Variants in GTF2F2 observed in about 807,000 individuals in gnomAD.
GTF2F2 encodes the protein ATP-dependent helicase GTF2F2.
In GTF2F2, 23 loss-of-function variants were observed where a neutral mutation model predicts 42.2. The ratio of observed to expected loss-of-function variants is 0.55; its 90% CI spans 0.39 to 0.77. The LOEUF (loss-of-function observed/expected upper bound fraction) is 0.77. GTF2F2 is among the 30% of genes least tolerant of loss of function. The probability of loss-of-function intolerance (pLI) is 0.00; values close to 1 mark genes in which losing one functional copy is unlikely to be tolerated. For missense variants in GTF2F2, 261 were observed against 287.2 expected (o/e 0.91, Z 0.66); for synonymous variants, 105 against 100.8 (o/e 1.04, Z -0.25).
In GTF2F2 at chr13:45,127,630, CT is replaced by C. The variant is rs573535645; in HGVS notation, c.66+6910del. On this transcript the variant is annotated intron_variant, in intron 1 of 7. Coordinates refer to ENST00000340473, the MANE Select transcript of GTF2F2 (RefSeq NM_004128.3). ...GGGATTATGGCATGAGCCACCACCC[CT>C]GGCCTTGTTTTTTTTTGGAGACGGA... Among the ~76,000 whole-genome samples, 58 of 152,072 alleles carry C rather than the reference CT, an allele frequency of 3.8e-4. 1 individual carries two copies. The highest frequency in any genetic ancestry group is 3.4e-3 in the Middle Eastern group (1 of 294).
chr13:45,216,690 T>G (rs1873902869), intron 5 of GTF2F2, among the ~76,000 whole-genome samples: 1 of 151,844 alleles, frequency 6.6e-6, no homozygotes, highest in African/African-American at 2.4e-5. Flanking sequence ...GCTATTTTTT[T>G]GCATTTTTAG....
intron 4 of GTF2F2, among the ~76,000 whole-genome samples, chr13:45,153,954 G>T (rs1870625177): frequency 7.3e-6 from 1 of 136,392 alleles, no homozygotes; most frequent in African/African-American, 3.0e-5. Context: ...TCCAGCCTGG[G>T]CAACAGAGGG....
intron 4 of GTF2F2, among the ~76,000 whole-genome samples, chr13:45,156,891 T>G (rs1434964488): frequency 6.6e-6 from 1 of 152,186 alleles, no homozygotes; most frequent in East Asian, 1.9e-4. Context: ...TGTGCCTGGT[T>G]TTTTCAGGCC....
intron 4 of GTF2F2, among the ~76,000 whole-genome samples, chr13:45,174,532 G>A (rs1871766711): frequency 6.7e-6 from 1 of 150,196 alleles, no homozygotes; most frequent in Non-Finnish European, 1.5e-5. Context: ...TTATTCCTCA[G>A]TAATATATTT....
At position 45,194,855 on chromosome 13, in the gene GTF2F2, C is replaced by G. The variant is rs190019058; in HGVS notation, c.305-12569C>G. On this transcript the variant is annotated intron_variant, in intron 4 of 7. Transcript: ENST00000340473. Reference sequence around the variant, plus strand: ...CTATCCTTTGAAGTAATAAGAGTTACTCAGAATAAATTGAATTTCCTCTTG... The same window carrying G: ...CTATCCTTTGAAGTAATAAGAGTTAGTCAGAATAAATTGAATTTCCTCTTG... 67 of 385,784 alleles carry G rather than the reference C, an allele frequency of 1.7e-4. No individual in the cohort carries two copies. In the Middle Eastern group the frequency reaches 2.8e-3, roughly 16 times the overall value. 23.9% of individuals were successfully genotyped at this position (385,784 alleles called of 1,614,324 possible). A position where few individuals can be genotyped will look rare whatever the true frequency, so the allele number is the denominator to read the frequency against.
chr13:45,245,403 A>C (rs147155749), intron 5 of GTF2F2, among the ~76,000 whole-genome samples: 24 of 152,026 alleles, frequency 1.6e-4, no homozygotes, highest in African/African-American at 5.8e-4. Context: ...CATCACCCAA[A>C]TAGTGTACAC....
At chr13:45,259,650 T>A (rs1876249691) in intron 6 of GTF2F2, among the ~76,000 whole-genome samples, 1 of 65,306 alleles carries the variant, frequency 1.5e-5, no homozygotes, top group African/African-American at 1.4e-4. Context: ...CCTAGAACTT[T>A]TTTTTTTTTT....
At chr13:45,257,452 T>TAAA (rs1566153344) in intron 6 of GTF2F2, among the ~76,000 whole-genome samples, 1 of 152,212 alleles carries the variant, frequency 6.6e-6, no homozygotes, top group Non-Finnish European at 1.5e-5. Context: ...AAGGATTCTG[T>TAAA]GTTTAAAAAA....
intron 5 of GTF2F2, among the ~76,000 whole-genome samples, chr13:45,227,217 G>T (rs963690546): frequency 4.6e-5 from 7 of 152,050 alleles, no homozygotes; most frequent in African/African-American, 1.7e-4. Context: ...GCCTGCAAAA[G>T]TATGTTGACA....
chr13:45,271,238 C>T (rs1330288941), intron 7 of GTF2F2, among the ~76,000 whole-genome samples: 1 of 150,232 alleles, frequency 6.7e-6, no homozygotes, highest in Non-Finnish European at 1.5e-5. Context: ...TTGCAGTGAG[C>T]GGAGATTGCG....
intron 2 of GTF2F2, among the ~76,000 whole-genome samples, chr13:45,138,011 A>C (rs1869721445): frequency 6.6e-6 from 1 of 152,152 alleles, no homozygotes; most frequent in Non-Finnish European, 1.5e-5. Flanking sequence ...TAAATCCAAG[A>C]GTCAACTAGC....
chr13:45,275,783 A>G (rs1877008387), intron 7 of GTF2F2, among the ~76,000 whole-genome samples: 1 of 152,120 alleles, frequency 6.6e-6, no homozygotes, highest in African/African-American at 2.4e-5. Flanking sequence ...GTGTCTTTAT[A>G]ACAGCATGAT....
chr13:45,126,245 C>CTTTTTTTTT (rs11383296), intron 1 of GTF2F2, among the ~76,000 whole-genome samples: 1 of 100,642 alleles, frequency 9.9e-6, no homozygotes, highest in African/African-American at 4.4e-5. Flanking sequence ...GGAAGAACGA[C>CTTTTTTTTT]TTTTTTTTTT....
intron 4 of GTF2F2, among the ~76,000 whole-genome samples, chr13:45,199,289 A>G (rs1873057971): frequency 6.6e-6 from 1 of 152,252 alleles, no homozygotes; most frequent in Non-Finnish European, 1.5e-5. Flanking sequence ...AGAAAAACAT[A>G]AGGCACTATG....
chr13:45,176,055 CATTTCTTTGTTGCATTCCAGAGT>C (rs1333467217), intron 4 of GTF2F2, among the ~76,000 whole-genome samples: 1 of 152,108 alleles, frequency 6.6e-6, no homozygotes, highest in Non-Finnish European at 1.5e-5. Context: ...TAGTTCATTC[CATTTCTTTGTTGCATTCCAGAGT>C]ATTTGTTTAC....
intron 7 of GTF2F2, among the ~76,000 whole-genome samples, chr13:45,271,474 C>T (rs1490159301): frequency 6.6e-6 from 1 of 151,912 alleles, no homozygotes; most frequent in Non-Finnish European, 1.5e-5. Context: ...ACCTCCACCT[C>T]CTAGTTCAAG....
At chr13:45,146,332 CAAA>C (rs1870192907) in intron 2 of GTF2F2, among the ~76,000 whole-genome samples, 1 of 151,932 alleles carries the variant, frequency 6.6e-6, no homozygotes, top group Non-Finnish European at 1.5e-5. Context: ...CCTGTCTCTA[CAAA>C]AATAAAAATA....
intron 1 of GTF2F2, among the ~76,000 whole-genome samples, chr13:45,130,893 A>G (rs1869308222): frequency 6.6e-6 from 1 of 152,186 alleles, no homozygotes; most frequent in South Asian, 2.1e-4. Context: ...AGCTTGTTGT[A>G]AGTTTGAGAG....
At chr13:45,267,753 A>T (rs545127746) in intron 7 of GTF2F2, among the ~76,000 whole-genome samples, 2 of 150,150 alleles carry the variant, frequency 1.3e-5, no homozygotes, top group South Asian at 2.1e-4. Flanking sequence ...TTAAAGAATT[A>T]TACTGTTTTG....
Sources: allele counts gnomAD v4.1 joint callset (sites outside exome capture counted in the v4.1 genomes callset), GRCh38; gene constraint gnomAD v4.1.1; transcripts MANE v1.5; gene names NCBI Gene and HGNC (gene_info 2026-07-23, HGNC 2026-07-21).